The following MSLN variants were observed in gnomAD, a reference collection of about 807,000 sequenced individuals.
MSLN encodes the protein mesothelin, also known as CAK1 antigen.
A neutral mutation model predicts 72.6 loss-of-function variants in MSLN; 82 were observed. That is an observed-to-expected ratio of 1.13 (90% CI 0.94 to 1.36). The LOEUF is 1.36. Ranked by LOEUF, MSLN falls within the 40% of genes most tolerant of loss-of-function variation. The probability of loss-of-function intolerance (pLI) is 0.00; values close to 1 mark genes in which losing one functional copy is unlikely to be tolerated. For synonymous variants in MSLN, 456 were observed against 387.3 expected (o/e 1.18, Z -2.08); for missense variants, 1,005 against 847.9 (o/e 1.19, Z -2.30).
Position 768,525 on chromosome 16 carries a change from C to T in MSLN, c.1743C>T (p.Gly581=). ...CGCTGGGGCTGGGGCTACAGGGCGG[C>T]ATCCCCAACGGCTACCTGGTCCTAG... is the stretch of plus-strand genomic sequence containing the variant. The part of the protein sequence containing the change: ...LDTLGLGLQG[G]IPNGYLVLDL... Residue 581 remains glycine (G), a synonymous_variant, in exon 17 of 18, where the codon GGC becomes GGT. Coordinates refer to ENST00000545450, the MANE Select transcript of MSLN (RefSeq NM_005823.6). The T allele has an allele frequency of 6.3e-7, 1 of 1,599,918 alleles. No homozygotes were observed. The highest frequency in any genetic ancestry group is 1.1e-5 in the South Asian group (1 of 89,766).
chr16:766,148 G>C lies in MSLN; in HGVS notation c.985G>C (p.Ala329Pro). The C allele has an allele frequency of 6.2e-7, 1 of 1,612,756 alleles. No individual in the cohort carries two copies. Among genetic ancestry groups the C allele is most frequent in the Non-Finnish European group, 8.5e-7 (1 of 1,179,912 alleles). ...GTGGGAGCTGGAAGCCTGCGTGGAT[G>C]CGGCCCTGCTGGCCACCCAGATGGA... is the stretch of plus-strand genomic sequence containing the variant. ...KKWELEACVD[A>P]ALLATQMDRV... The change falls in exon 12 of 18, where the codon GCG becomes CCG. Residue 329 changes from alanine to proline, a missense_variant. By Grantham distance (27) the Ala-to-Pro change is conservative. Coordinates refer to ENST00000545450, the MANE Select transcript of MSLN (RefSeq NM_005823.6).
Position 764,973 on chromosome 16 carries a change from G to A in MSLN, c.447G>A (p.Val149=), listed in dbSNP as rs1229053173. ...TCTCCCGCATCACGAAGGCCAATGT[G>A]GACCTGCTCCCGAGGGGGGCTCCCG... ...RFFSRITKAN[V]DLLPRGAPER... is the part of the protein sequence containing the mutation. The change falls in exon 8 of 18, where the codon GTG becomes GTA. Residue 149 remains valine (V), a synonymous_variant. Transcript: ENST00000545450. 2 of 1,612,322 alleles carry A rather than the reference G, an allele frequency of 1.2e-6. No individual in the cohort carries two copies. The highest frequency in any genetic ancestry group is 1.7e-6 in the Non-Finnish European group (2 of 1,179,776).
At chr16:763,803 C>CCCCCA in intron 5 of MSLN, 112 bp downstream of exon 5, 1 of 706,670 alleles carries the variant, frequency 1.4e-6, no homozygotes, top group South Asian at 1.8e-5. Flanking sequence ...CTCCTCTGCT[C>CCCCCA]CACCTCAGAT....
intron 16 of MSLN, among the ~76,000 whole-genome samples, chr16:768,038 GTGGAGGGGGCGCGTGGAGGAGGGGCACA>G (rs1460860126): frequency 2.7e-5 from 2 of 73,076 alleles, no homozygotes; most frequent in Admixed American, 2.4e-4. Context: ...AGGGGGGCGC[GTGGAGGGGGCGCGTGGAGGAGGGGCACA>G]TGGAGGGGGG....
At chr16:767,531 AGGAGGGGCGCGT>A in intron 16 of MSLN, 61 bp downstream of exon 16, 1 of 452,770 alleles carries the variant, frequency 2.2e-6, no homozygotes, top group Non-Finnish European at 3.2e-6. Context: ...GGCGAGTGGG[AGGAGGGGCGCGT>A]GGAGGGGGGG....
At position 768,798 on chromosome 16, in the gene MSLN, G is replaced by T. The variant is rs2041679418; in HGVS notation, c.*65G>T. The T allele has an allele frequency of 6.6e-7, 1 of 1,518,048 alleles. No individual in the cohort carries two copies. Among genetic ancestry groups the T allele is most frequent in the Non-Finnish European group, 9.1e-7 (1 of 1,104,116 alleles). The allele number at this position is 1,518,048 out of a possible 1,614,324, so 94.0% of individuals were successfully genotyped here. ...CCCCGCCTGGCCAGGAGCAGGCACG[G>T]GTGGTCCCCGTTCCACCCCAAGAGA... is the stretch of plus-strand genomic sequence containing the variant. On this transcript the variant is annotated 3_prime_UTR_variant, in exon 18 of 18. Coordinates refer to ENST00000545450, the MANE Select transcript of MSLN (RefSeq NM_005823.6).
intron 2 of MSLN, among the ~76,000 whole-genome samples, chr16:761,726 G>A (rs1473956956): frequency 3.9e-5 from 6 of 152,314 alleles, no homozygotes; most frequent in African/African-American, 1.4e-4. Flanking sequence ...TCTGTCACCC[G>A]GAGGCTGTGT....
chr16:768,523 G>T lies in MSLN; in HGVS notation c.1741G>T (p.Gly581Cys). 1 of 1,599,868 alleles carries T rather than the reference G, an allele frequency of 6.3e-7. No homozygotes were observed. The highest frequency in any genetic ancestry group is 8.5e-7 in the Non-Finnish European group (1 of 1,172,298). ...LDTLGLGLQG[G>C]IPNGYLVLDL... ...CACGCTGGGGCTGGGGCTACAGGGCGGCATCCCCAACGGCTACCTGGTCCT... is the reference window on the plus strand; with the variant it reads ...CACGCTGGGGCTGGGGCTACAGGGCTGCATCCCCAACGGCTACCTGGTCCT... Residue 581 changes from glycine to cysteine, a missense_variant, in exon 17 of 18, where the codon GGC becomes TGC. Physicochemically the swap from Gly to Cys is radical, Grantham distance 159 (BLOSUM62 -3). Transcript: ENST00000545450.
At position 767,390 on chromosome 16, in the gene MSLN, G is replaced by T. The variant is rs762729430; in HGVS notation, c.1516G>T (p.Glu506Ter). ...CCGGCGGGCAGGTGGGGCCCCCACG[G>T]AGGATTTGAAGGCGCTCAGTCAGCA... Reference protein sequence around the residue: ...IQSFLGGAPTEDLKALSQQNV... With the variant: ...IQSFLGGAPT Residue 506 changes from glutamate (E) to a stop codon, truncating the protein, a stop_gained, in exon 16 of 18, where the codon GAG becomes TAG. Transcript: ENST00000545450. LOFTEE classifies it high-confidence loss of function. 6.2e-7 allele frequency: 1 copy of T among 1,610,896 alleles called. No homozygotes were observed. Among genetic ancestry groups the T allele is most frequent in the Admixed American group, 1.7e-5 (1 of 59,822 alleles).
rs749740915 is a variant in MSLN at position 768,394 on chromosome 16, G to C, written c.1612G>C (p.Glu538Gln). 1 of 1,508,780 alleles carries C rather than the reference G, an allele frequency of 6.6e-7. No homozygotes were observed. The highest frequency in any genetic ancestry group is 2.3e-5 in the Admixed American group (1 of 44,400). 93.5% of individuals were successfully genotyped at this position (1,508,780 alleles called of 1,614,324 possible). Residue 538 changes from glutamate (E) to glutamine (Q), a missense_variant, in exon 17 of 18, where the codon GAG becomes CAG. Transcript: ENST00000545450. ...TDAVLPLTVA[E>Q]VQKLLGPHVE... Reference sequence around the variant, plus strand: ...TCTCTGGCAGCCGTTGACTGTGGCTGAGGTGCAGAAACTTCTGGGACCCCA... The same window carrying C: ...TCTCTGGCAGCCGTTGACTGTGGCTCAGGTGCAGAAACTTCTGGGACCCCA...
In MSLN at chr16:766,847, G is replaced by A. The variant is rs200860595; in HGVS notation, c.1373+37G>A. The A allele has an allele frequency of 2.0e-5, 32 of 1,612,280 alleles. No individual in the cohort carries two copies. The East Asian group carries it at 3.1e-4, about 16-fold the overall frequency. On this transcript the variant is annotated intron_variant, in intron 14 of 17. Transcript: ENST00000545450. ...GAACTCTGCCCGGCAAGGTGGGTCCGTGTGCTGGCGCTCACTGTCCACCCA... is the reference window on the plus strand; with the variant it reads ...GAACTCTGCCCGGCAAGGTGGGTCCATGTGCTGGCGCTCACTGTCCACCCA...
intron 2 of MSLN, among the ~76,000 whole-genome samples, chr16:762,183 G>T (rs1223140735): frequency 6.6e-6 from 1 of 152,212 alleles, no homozygotes; most frequent in African/African-American, 2.4e-5. Flanking sequence ...TGCCCGCAGT[G>T]CCCCTCCTGC....
At chr16:762,911 G>A in intron 3 of MSLN, 146 bp downstream of exon 3, 4 of 663,022 alleles carry the variant, frequency 6.0e-6, no homozygotes, top group Non-Finnish European at 1.0e-5. Flanking sequence ...GCCCCCAGAG[G>A]TGACTGGAGC....
rs757289324 is a variant in MSLN at position 762,724 on chromosome 16, C to A, written c.44C>A (p.Thr15Asn). 6 of 1,604,714 alleles carry A rather than the reference C, an allele frequency of 3.7e-6. No homozygotes were observed. The highest frequency in any genetic ancestry group is 1.1e-5 in the South Asian group (1 of 90,068). The change falls in exon 3 of 18, where the codon ACC (threonine) becomes AAC (asparagine). Residue 15 changes from threonine to asparagine, a missense_variant. Physicochemically the swap from Thr to Asn is moderately conservative, Grantham distance 65. Transcript: ENST00000545450. ...CGACCCCTGTTGGGGTCCTGTGGGACCCCCGCCCTCGGCAGCCTCCTGTTC... is the reference window on the plus strand; with the variant it reads ...CGACCCCTGTTGGGGTCCTGTGGGAACCCCGCCCTCGGCAGCCTCCTGTTC... ...TARPLLGSCG[T>N]PALGSLLFLL...
At chr16:761,990 G>A (rs2041541875) in intron 2 of MSLN, among the ~76,000 whole-genome samples, 1 of 152,158 alleles carries the variant, frequency 6.6e-6, no homozygotes, top group Non-Finnish European at 1.5e-5. Context: ...GTTCAGGGAG[G>A]GTCTCCCCAC....
intron 4 of MSLN, 44 bp from the exon 5 acceptor site, chr16:763,598 A>G (rs1408227778): frequency 1.2e-5 from 18 of 1,550,490 alleles, no homozygotes; most frequent in Non-Finnish European, 1.5e-5. Context: ...CTCCTGCTCC[A>G]GAGAGCTGGT....
rs145748673 is a variant in MSLN at position 766,978 on chromosome 16, G to T, written c.1467G>T (p.Gly489=). The T allele has an allele frequency of 1.9e-6, 3 of 1,612,670 alleles. No homozygotes were observed. Among genetic ancestry groups the T allele is most frequent in the Non-Finnish European group, 2.5e-6 (3 of 1,179,884 alleles). The change falls in exon 15 of 18, where the codon GGG becomes GGT. Residue 489 remains glycine (G), a synonymous_variant. Transcript: ENST00000545450. ...KARLAFQNMN[G]SEYFVKIQSF... The stretch of plus-strand genomic sequence containing the variant: ...GCCTTGCTTTCCAGAACATGAACGG[G>T]TCCGAATACTTCGTGAAGATCCAGT...
At position 766,464 on chromosome 16, in the gene MSLN, A is replaced by C. The variant is rs73491255; in HGVS notation, c.1204A>C (p.Asn402His). The C allele has an allele frequency of 1.2e-6, 2 of 1,612,580 alleles. No homozygotes were observed. The highest frequency in any genetic ancestry group is 1.7e-6 in the Non-Finnish European group (2 of 1,179,892). The change falls in exon 13 of 18, where the codon AAC becomes CAC. Residue 402 changes from asparagine to histidine, a missense_variant. Transcript: ENST00000545450. ...LETLKALLEV[N>H]KGHEMSPQVA... The stretch of plus-strand genomic sequence containing the variant: ...GACCCTGAAGGCTTTGCTTGAAGTC[A>C]ACAAAGGGCACGAAATGAGTCCTCA...
rs2041610699 is a variant in MSLN at position 766,458 on chromosome 16, G to A, written c.1198G>A (p.Glu400Lys). ...TSLETLKALL[E>K]VNKGHEMSPQ... ...CCTGGAGACCCTGAAGGCTTTGCTT[G>A]AAGTCAACAAAGGGCACGAAATGAG... The change falls in exon 13 of 18, where the codon GAA (glutamate) becomes AAA (lysine). Residue 400 changes from glutamate (E) to lysine (K), a missense_variant. By Grantham distance (56) the Glu-to-Lys change is moderately conservative. Transcript: ENST00000545450. 1.9e-6 allele frequency: 3 copies of A among 1,612,700 alleles called. No individual in the cohort carries two copies. The highest frequency in any genetic ancestry group is 2.2e-5 in the East Asian group (1 of 44,876).
Sources: gnomAD v4.1 joint callset for allele counts (sites outside exome capture counted in the v4.1 genomes callset) on GRCh38, gnomAD v4.1.1 for gene constraint, MANE v1.5 for transcripts, NCBI Gene and HGNC (gene_info 2026-07-23, HGNC 2026-07-21) for gene names.